The following CTNNA2 variants were observed in gnomAD, a reference collection of about 807,000 sequenced individuals.
CTNNA2 encodes catenin alpha-2.
In CTNNA2, 42 loss-of-function variants were observed where a neutral mutation model predicts 101.0. The ratio of observed to expected loss-of-function variants is 0.42; its 90% confidence interval spans 0.32 to 0.54. The LOEUF is 0.54. CTNNA2 is among the 20% of genes least tolerant of loss of function. The probability of loss-of-function intolerance (pLI) is 0.14; values close to 1 mark genes in which losing one functional copy is unlikely to be tolerated. For synonymous variants in CTNNA2, 450 were observed against 456.4 expected, an observed-to-expected ratio of 0.99 and a Z score of 0.18; for missense variants, 871 against 1,223.1, an observed-to-expected ratio of 0.71 and a Z score of 4.29.
chr2:79,748,884 C>T (rs2105015415), intron 3 of CTNNA2, among the ~76,000 whole-genome samples: 1 of 152,148 alleles, frequency 6.6e-6, no homozygotes, highest in East Asian at 1.9e-4. Context: ...AGGTGTTGTG[C>T]TGAACCCCTA....
At chr2:80,054,470 C>G (rs1486718060) in intron 7 of CTNNA2, among the ~76,000 whole-genome samples, 4 of 152,128 alleles carry the variant, frequency 2.6e-5, no homozygotes, top group African/African-American at 4.8e-5. Flanking sequence ...TACACTCATG[C>G]CTTTGGCATT....
At chr2:79,796,978 C>T (rs897992015) in intron 3 of CTNNA2, among the ~76,000 whole-genome samples, 2 of 152,112 alleles carry the variant, frequency 1.3e-5, no homozygotes, top group Non-Finnish European at 2.9e-5. Context: ...GTTGCCCTCC[C>T]TCCATAGAGG....
At position 79,857,901 on chromosome 2, in the gene CTNNA2, T is replaced by G. The variant is rs984277305; in HGVS notation, c.299-112T>G. Reference sequence around the variant, plus strand: ...CAATAGAGGTGGCAGAAATACCACCTGGTCATCAGAGTTTTGCAATAAAAA... The same window carrying G: ...CAATAGAGGTGGCAGAAATACCACCGGGTCATCAGAGTTTTGCAATAAAAA... On this transcript the variant is annotated intron_variant, in intron 3 of 18. Coordinates refer to ENST00000402739, the MANE Select transcript of CTNNA2 (RefSeq NM_001282597.3). 1.4e-5 allele frequency: 16 copies of G among 1,147,198 alleles called. No individual in the cohort carries two copies. The African/African-American group carries it at 1.7e-4, about 12-fold the overall frequency. The allele number at this position is 1,147,198 out of a possible 1,614,324, so 71.1% of individuals were successfully genotyped here. A position where few individuals can be genotyped will look rare whatever the true frequency, so the allele number is the denominator to read the frequency against.
rs761790398 is a variant in CTNNA2, at chr2:79,296,530, CTTA to C, written c.-405-16174_-405-16172del. 3.3e-5 allele frequency among the ~76,000 whole-genome samples: 5 copies of C among 152,106 alleles called. No individual in the cohort carries two copies. The East Asian group carries it at 7.7e-4, about 23-fold the overall frequency. ...CTCATTTGTGCATTTATTTACTACA[CTTA>C]TTATGCACTCTAGCACCTACTATAT... On this transcript the variant is annotated intron_variant, in intron 2 of 21. Transcript: ENST00000466387.
chr2:80,529,233 T>C (rs1353873017), intron 9 of CTNNA2, among the ~76,000 whole-genome samples: 1 of 152,192 alleles, frequency 6.6e-6, no homozygotes, highest in Non-Finnish European at 1.5e-5. Context: ...TCACAGATTT[T>C]TCTGTATGTA....
intron 7 of CTNNA2, among the ~76,000 whole-genome samples, chr2:80,201,243 G>A (rs1377175060): frequency 6.6e-6 from 1 of 151,266 alleles, no homozygotes; most frequent in Non-Finnish European, 1.5e-5. Context: ...TGAATCCATG[G>A]GTGTATAACT....
intron 1 of CTNNA2, among the ~76,000 whole-genome samples, chr2:79,557,385 A>G (rs1452201984): frequency 6.6e-6 from 1 of 151,954 alleles, no homozygotes; most frequent in African/African-American, 2.4e-5. Flanking sequence ...AATTTAAGCT[A>G]GTATCCACAA....
chr2:79,675,411 A>G (rs1418178970), intron 2 of CTNNA2, among the ~76,000 whole-genome samples: 1 of 152,196 alleles, frequency 6.6e-6, no homozygotes, highest in Non-Finnish European at 1.5e-5. Context: ...AAATTGAAAT[A>G]AGGCACTTAG....
chr2:79,808,757 A>G (rs7578947), intron 3 of CTNNA2, among the ~76,000 whole-genome samples: 28,953 of 151,554 alleles, frequency 0.19, 3,220 homozygotes, highest in African/African-American at 0.31. Flanking sequence ...GTCAAGGTTA[A>G]TGTTTTTATA....
At chr2:80,080,726 C>T (rs1208522602) in intron 7 of CTNNA2, among the ~76,000 whole-genome samples, 1 of 152,086 alleles carries the variant, frequency 6.6e-6, no homozygotes, top group Non-Finnish European at 1.5e-5. Context: ...AATTCATATG[C>T]ACAGTCCCCA....
intron 7 of CTNNA2, among the ~76,000 whole-genome samples, chr2:80,180,470 G>T (rs1031562930): frequency 1.3e-5 from 2 of 152,186 alleles, no homozygotes; most frequent in African/African-American, 4.8e-5. Context: ...TTGCTGCTTT[G>T]CATCTGCTGT....
At chr2:80,432,826 G>T (rs1377012084) in intron 9 of CTNNA2, among the ~76,000 whole-genome samples, 1 of 151,858 alleles carries the variant, frequency 6.6e-6, no homozygotes, top group Non-Finnish European at 1.5e-5. Context: ...TTTTTGAAAA[G>T]AGTGGTTTAT....
At chr2:80,496,364 G>A (rs941469610) in intron 9 of CTNNA2, among the ~76,000 whole-genome samples, 1 of 151,368 alleles carries the variant, frequency 6.6e-6, no homozygotes, top group African/African-American at 2.4e-5. Context: ...CAAATACAAG[G>A]CACTAATTAA....
At chr2:80,399,333 A>T (rs1678344142) in intron 8 of CTNNA2, among the ~76,000 whole-genome samples, 1 of 152,170 alleles carries the variant, frequency 6.6e-6, no homozygotes. Flanking sequence ...ACGGTTCTTG[A>T]AATATCATCT....
At chr2:79,351,455 A>G (rs1363979256) in intron 3 of CTNNA2, among the ~76,000 whole-genome samples, 2 of 152,106 alleles carry the variant, frequency 1.3e-5, no homozygotes, top group Non-Finnish European at 2.9e-5. Context: ...TTATTTTACA[A>G]TCGGGGGTAC....
At chr2:79,878,405 A>G (rs1683183659) in intron 6 of CTNNA2, among the ~76,000 whole-genome samples, 1 of 152,200 alleles carries the variant, frequency 6.6e-6, no homozygotes, top group Non-Finnish European at 1.5e-5. Context: ...GTCTTCCACA[A>G]TAGCTGAACT....
intron 1 of CTNNA2, among the ~76,000 whole-genome samples, chr2:79,550,377 A>G (rs1674021003): frequency 6.6e-6 from 1 of 152,134 alleles, no homozygotes; most frequent in Admixed American, 6.6e-5. Flanking sequence ...GCAGTCAAAG[A>G]CAATTTCCTG....
chr2:80,486,956 T>G (rs1425261723), intron 9 of CTNNA2, among the ~76,000 whole-genome samples: 1 of 152,160 alleles, frequency 6.6e-6, no homozygotes, highest in Non-Finnish European at 1.5e-5. Context: ...TCTTTTCATA[T>G]CTGCACATGT....
chr2:79,248,519 G>A (rs948210762), intron 2 of CTNNA2, among the ~76,000 whole-genome samples: 4 of 152,112 alleles, frequency 2.6e-5, no homozygotes, highest in Admixed American at 6.6e-5. Context: ...AGTGCTGGAT[G>A]GTCACATGTA....
Sources: gnomAD v4.1 joint callset for allele counts (sites outside exome capture counted in the v4.1 genomes callset) on GRCh38, gnomAD v4.1.1 for gene constraint, MANE v1.5 for transcripts, NCBI Gene and HGNC (gene_info 2026-07-23, HGNC 2026-07-21) for gene names.